The following ITGA6 variants were observed in gnomAD, a reference collection of about 807,000 sequenced individuals.
ITGA6 encodes the protein integrin alpha-6.
A neutral mutation model predicts 133.6 loss-of-function variants in ITGA6; 63 were observed. The observed-to-expected ratio is 0.47, with a 90% CI of 0.38 to 0.58. ITGA6 has a LOEUF of 0.58. Among genes scored for constraint, ITGA6 ranks in the 20% least tolerant of loss-of-function variants. The pLI is 0.00. For missense variants in ITGA6, 1,068 were observed against 1,309.4 expected (o/e 0.82, Z 2.85); for synonymous variants, 434 against 482.0 (o/e 0.90, Z 1.30).
At chr2:172,476,082 G>A (rs1415396092) in intron 8 of ITGA6, among the ~76,000 whole-genome samples, 2 of 152,120 alleles carry the variant, frequency 1.3e-5, no homozygotes, top group African/African-American at 4.8e-5. Context: ...TGTCTTTTGA[G>A]AAAAATAAGA....
intron 1 of ITGA6, among the ~76,000 whole-genome samples, chr2:172,436,514 A>C (rs114183491): frequency 0.017 from 2,525 of 152,292 alleles, 73 homozygotes; most frequent in African/African-American, 0.057. Context: ...CCTCTCCCCA[A>C]GCTTAGCAGC....
chr2:172,442,537 G>T (rs1351717207), intron 1 of ITGA6, among the ~76,000 whole-genome samples: 1 of 152,200 alleles, frequency 6.6e-6, no homozygotes, highest in Non-Finnish European at 1.5e-5. Context: ...TAGAGTTCCT[G>T]TCTCTGATGT....
At chr2:172,473,923 G>T in intron 5 of ITGA6, 132 bp from the exon 6 acceptor site, 1 of 637,210 alleles carries the variant, frequency 1.6e-6, no homozygotes, top group Non-Finnish European at 2.8e-6. Context: ...TTACGAATGT[G>T]ATAGCTGGTG....
rs13429563 is a variant in ITGA6 at position 172,487,531 on chromosome 2, T to C, written c.2161-16T>C. On this transcript the variant is annotated splice_polypyrimidine_tract_variant and intron_variant, in intron 15 of 25. Transcript: ENST00000684293. The stretch of plus-strand genomic sequence containing the variant: ...CAAATGAGTGGATTGTGACCTAGCG[T>C]GTGTTTCTTTTACAGGAGAAACAGT... 0.01 allele frequency: 16,553 copies of C among 1,612,760 alleles called. 1,385 individuals are homozygous for C. The African/African-American group carries it at 0.19, about 19-fold the overall frequency.
chr2:172,484,954 A>C lies in ITGA6; in HGVS notation c.1710+12A>C, dbSNP rs1686600148. On this transcript the variant is annotated intron_variant, in intron 12 of 25. Transcript: ENST00000684293. ...CCCTGTGGCTACAGGTGAGGGCTGC[A>C]GATGGTCACATCTGTTTTATGAAGA... 3 of 1,613,638 alleles carry C rather than the reference A, an allele frequency of 1.9e-6. No homozygotes were observed. The African/African-American group carries it at 4.0e-5, about 21-fold the overall frequency.
chr2:172,495,850 G>A (rs1369980316), intron 23 of ITGA6, among the ~76,000 whole-genome samples: 1 of 152,038 alleles, frequency 6.6e-6, no homozygotes, highest in African/African-American at 2.4e-5. Flanking sequence ...CCATTTATGG[G>A]GGTGGCTTTC....
Position 172,475,451 on chromosome 2 carries a change from G to A in ITGA6, c.1181-146G>A, listed in dbSNP as rs147572355. 15,043 of 671,784 alleles carry A rather than the reference G, an allele frequency of 0.022. 877 individuals carry two copies. Among genetic ancestry groups the A allele is most frequent in the African/African-American group, 0.16 (9,020 of 54,752 alleles). The allele number at this position is 671,784 out of a possible 1,614,324, so 41.6% of individuals were successfully genotyped here. A position where few individuals can be genotyped will look rare whatever the true frequency, so the allele number is the denominator to read the frequency against. On this transcript the variant is annotated intron_variant, in intron 7 of 25. Transcript: ENST00000684293. Reference sequence around the variant, plus strand: ...GCACTCCAGCCTGGGCAACAGGAGCGAAACTCCATCTCAAAAAAAACAAAA... The same window carrying A: ...GCACTCCAGCCTGGGCAACAGGAGCAAAACTCCATCTCAAAAAAAACAAAA...
At chr2:172,504,058 A>C in intron 25 of ITGA6, 33 bp from the exon 26 acceptor site, 1 of 1,523,438 alleles carries the variant, frequency 6.6e-7, no homozygotes, top group Non-Finnish European at 8.8e-7. Flanking sequence ...TGTGAGATTA[A>C]TTTGTTTCTC....
In ITGA6 at chr2:172,459,974, GA is replaced by G. The variant is rs760025869; in HGVS notation, c.183-5563del. Among the ~76,000 whole-genome samples the G allele has an allele frequency of 3.2e-4, 49 of 152,232 alleles. No homozygotes were observed. In the Middle Eastern group the frequency reaches 0.01, roughly 32 times the overall value. ...GAGGCTTGGATAAAGGTGAACAATAGAAGAAAAAAGAAAGGCAATGAGAAAA... is the reference window on the plus strand; with the variant it reads ...GAGGCTTGGATAAAGGTGAACAATAGAGAAAAAAGAAAGGCAATGAGAAAA... On this transcript the variant is annotated intron_variant, in intron 1 of 25. Transcript: ENST00000684293.
intron 1 of ITGA6, among the ~76,000 whole-genome samples, chr2:172,444,351 C>A (rs563152956): frequency 6.6e-6 from 1 of 152,136 alleles, no homozygotes; most frequent in Admixed American, 6.5e-5. Flanking sequence ...TCAGTATACA[C>A]AAAGAAGTAT....
intron 3 of ITGA6, among the ~76,000 whole-genome samples, chr2:172,468,777 A>G (rs1311934313): frequency 1.3e-5 from 2 of 152,234 alleles, no homozygotes; most frequent in African/African-American, 4.8e-5. Context: ...TACAGCCACT[A>G]AAAGCCAATT....
chr2:172,495,721 G>T (rs2149090936), intron 23 of ITGA6, among the ~76,000 whole-genome samples: 1 of 152,278 alleles, frequency 6.6e-6, no homozygotes, highest in Admixed American at 6.5e-5. Flanking sequence ...TGGAAGTTCT[G>T]GTTTGAATGG....
intron 1 of ITGA6, among the ~76,000 whole-genome samples, chr2:172,462,051 C>G (rs1685446707): frequency 6.6e-6 from 1 of 152,228 alleles, no homozygotes; most frequent in Non-Finnish European, 1.5e-5. Context: ...GTTTCCCAAA[C>G]CAGGGAGGGC....
chr2:172,456,564 T>C (rs891163719), intron 1 of ITGA6, among the ~76,000 whole-genome samples: 6 of 152,196 alleles, frequency 3.9e-5, no homozygotes, highest in South Asian at 2.1e-4. Flanking sequence ...CCTGGACATA[T>C]GGCCAGCCTA....
chr2:172,476,348 C>A, intron 8 of ITGA6, 47 bp from the exon 9 acceptor site: 1 of 984,990 alleles, frequency 1.0e-6, no homozygotes, highest in Non-Finnish European at 1.7e-6. Flanking sequence ...TGTTAAGAAG[C>A]TCATGGTGAT....
At chr2:172,441,282 A>G (rs1490661445) in intron 1 of ITGA6, among the ~76,000 whole-genome samples, 2 of 152,206 alleles carry the variant, frequency 1.3e-5, no homozygotes, top group Non-Finnish European at 2.9e-5. Flanking sequence ...ATAAAAGCTT[A>G]CTGAGGGTCC....
chr2:172,501,946 T>C, intron 25 of ITGA6, 45 bp downstream of exon 25: 8 of 1,562,432 alleles, frequency 5.1e-6, no homozygotes, highest in South Asian at 3.4e-5. Flanking sequence ...GGACCCGCTA[T>C]GGTTGTGGTG....
At chr2:172,479,516 C>T (rs765721070) in intron 9 of ITGA6, 125 bp from the exon 10 acceptor site, 28 of 795,986 alleles carry the variant, frequency 3.5e-5, no homozygotes, top group Non-Finnish European at 5.2e-5. Context: ...GAAAACGTCA[C>T]GTGTATTTTT....
chr2:172,485,935 G>A (rs772733308), intron 13 of ITGA6, among the ~76,000 whole-genome samples: 1 of 152,112 alleles, frequency 6.6e-6, no homozygotes, highest in Non-Finnish European at 1.5e-5. Context: ...CCAGAACTTC[G>A]GGAGGCCGAG....
Sources: gnomAD v4.1 joint callset for allele counts (sites outside exome capture counted in the v4.1 genomes callset) on GRCh38, gnomAD v4.1.1 for gene constraint, MANE v1.5 for transcripts, NCBI Gene and HGNC (gene_info 2026-07-23, HGNC 2026-07-21) for gene names.